MGMT: variants seen among roughly 807,000 people sequenced by gnomAD.
The protein encoded by MGMT is O-6-methylguanine-DNA methyltransferase, also known as methylated-DNA--protein-cysteine methyltransferase.
Under a neutral mutation model 15.9 loss-of-function variants are expected in MGMT, and 14 were observed. That is an observed-to-expected ratio of 0.88 (90% CI 0.58 to 1.37). MGMT has a LOEUF of 1.37. Ranked by LOEUF, MGMT falls within the 40% of genes most tolerant of loss-of-function variation. The pLI, the probability that MGMT is intolerant of heterozygous loss-of-function variation, is 0.00. For synonymous variants in MGMT, 130 were observed against 118.2 expected, an observed-to-expected ratio of 1.10 and a Z score of -0.65; for missense variants, 282 against 268.1, an observed-to-expected ratio of 1.05 and a Z score of -0.36.
chr10:129,611,331 A>G (rs1846957082), intron 2 of MGMT, among the ~76,000 whole-genome samples: 3 of 152,218 alleles, frequency 2.0e-5, no homozygotes, highest in Non-Finnish European at 4.4e-5. Flanking sequence ...ACACATCCTC[A>G]TGGATGGAGC....
intron 2 of MGMT, among the ~76,000 whole-genome samples, chr10:129,658,903 T>G (rs1847562789): frequency 6.6e-6 from 1 of 152,136 alleles, no homozygotes; most frequent in African/African-American, 2.4e-5. Flanking sequence ...GCTGTAGCAT[T>G]CAAGGCCTCC....
At chr10:129,600,082 G>C (rs1486623341) in intron 2 of MGMT, among the ~76,000 whole-genome samples, 1 of 152,144 alleles carries the variant, frequency 6.6e-6, no homozygotes, top group East Asian at 1.9e-4. Flanking sequence ...CACAGCCTGG[G>C]ACCTAAGTCT....
intron 2 of MGMT, among the ~76,000 whole-genome samples, chr10:129,681,380 G>C (rs1212334317): frequency 6.6e-6 from 1 of 152,152 alleles, no homozygotes; most frequent in South Asian, 2.1e-4. Context: ...GCTTCCTGTG[G>C]GGACGCCCAT....
rs538786933 is a variant in MGMT at position 129,736,890 on chromosome 10, C to A, written c.275-22312C>A. Among the ~76,000 whole-genome samples the A allele has an allele frequency of 6.6e-4, 100 of 152,326 alleles. 1 individual carries two copies. The East Asian group carries it at 0.011, about 17-fold the overall frequency. ...TTTAAGAATGTTGAATATTGGCCCC[C>A]ATTCTCTTCTGGCTTGTAGAGTTTC... On this transcript the variant is annotated intron_variant, in intron 3 of 4. Transcript: ENST00000651593.
At chr10:129,686,263 GA>G (rs150349856) in intron 2 of MGMT, among the ~76,000 whole-genome samples, 14,035 of 146,860 alleles carry the variant, frequency 0.096, 920 homozygotes, top group Admixed American at 0.19. Context: ...TCAGGGGAAA[GA>G]AAAAAAAAAG....
intron 2 of MGMT, among the ~76,000 whole-genome samples, chr10:129,706,281 G>T (rs1458302024): frequency 6.6e-6 from 1 of 152,240 alleles, no homozygotes; most frequent in Admixed American, 6.5e-5. Flanking sequence ...TGCATACCTT[G>T]TGTGGACAGA....
chr10:129,561,578 G>C lies in MGMT; in HGVS notation c.125+25201G>C, dbSNP rs551684658. The stretch of plus-strand genomic sequence containing the variant: ...AATTTCGGTGTCAAGGTGATATCTT[G>C]TCTGATGGTGGAGGTCATAGTTGTC... On this transcript the variant is annotated intron_variant, in intron 2 of 4. Transcript: ENST00000651593. Among the ~76,000 whole-genome samples the C allele has an allele frequency of 2.6e-5, 4 of 152,270 alleles. No homozygotes were observed. In the South Asian group the frequency reaches 6.2e-4, roughly 24 times the overall value.
At chr10:129,738,292 A>G (rs965792673) in intron 3 of MGMT, among the ~76,000 whole-genome samples, 2 of 152,198 alleles carry the variant, frequency 1.3e-5, no homozygotes, top group Non-Finnish European at 2.9e-5. Flanking sequence ...AAAGGGCAGT[A>G]TTCAGGTGGG....
chr10:129,507,999 C>T (rs1053722007), intron 1 of MGMT, among the ~76,000 whole-genome samples: 2 of 152,264 alleles, frequency 1.3e-5, no homozygotes, highest in African/African-American at 2.4e-5. Context: ...AGGGAGGTGA[C>T]GCCCTTTGTT....
intron 2 of MGMT, among the ~76,000 whole-genome samples, chr10:129,638,627 A>G (rs1847292763): frequency 6.6e-6 from 1 of 152,082 alleles, no homozygotes; most frequent in South Asian, 2.1e-4. Flanking sequence ...GCATGTTTTC[A>G]GCGTATTAAA....
chr10:129,602,302 G>A (rs1043257615), intron 2 of MGMT, among the ~76,000 whole-genome samples: 2 of 151,954 alleles, frequency 1.3e-5, no homozygotes, highest in Non-Finnish European at 2.9e-5. Context: ...GAAAAGGAAC[G>A]CGCTTCCTGA....
chr10:129,628,961 C>T (rs1377283916), intron 2 of MGMT, among the ~76,000 whole-genome samples: 5 of 152,196 alleles, frequency 3.3e-5, no homozygotes, highest in Non-Finnish European at 5.9e-5. Context: ...GCTCTCTTCC[C>T]GCCCACTCCC....
chr10:129,598,350 T>C (rs891924405), intron 2 of MGMT, among the ~76,000 whole-genome samples: 2 of 152,176 alleles, frequency 1.3e-5, no homozygotes, highest in African/African-American at 4.8e-5. Context: ...GGCTTCCATC[T>C]GTATAAGGGG....
chr10:129,508,609 G>A (rs1036413170), intron 1 of MGMT, among the ~76,000 whole-genome samples: 5 of 150,558 alleles, frequency 3.3e-5, no homozygotes, highest in African/African-American at 1.2e-4. Flanking sequence ...GCAGTGGTGC[G>A]ATCTTGGCTC....
At chr10:129,616,088 G>A (rs1194717595) in intron 2 of MGMT, among the ~76,000 whole-genome samples, 1 of 152,186 alleles carries the variant, frequency 6.6e-6, no homozygotes, top group East Asian at 1.9e-4. Flanking sequence ...AGGAAAGCAA[G>A]CCAGGGCACA....
At chr10:129,518,325 GATACACACACATACACACACACAC>G (rs1845762203) in intron 1 of MGMT, among the ~76,000 whole-genome samples, 1 of 88,072 alleles carries the variant, frequency 1.1e-5, no homozygotes, top group African/African-American at 4.5e-5. Flanking sequence ...TGTGTGTACA[GATACACACACATACACACACACAC>G]ACACACACAC....
chr10:129,680,101 A>G (rs1847833399), intron 2 of MGMT, among the ~76,000 whole-genome samples: 1 of 152,198 alleles, frequency 6.6e-6, no homozygotes, highest in Non-Finnish European at 1.5e-5. Flanking sequence ...GACCCCATAC[A>G]TTCCTCTCGT....
chr10:129,665,128 T>TCCTCTCCTTCAGTCACCCAC (rs141974057), intron 2 of MGMT, among the ~76,000 whole-genome samples: 1 of 128,936 alleles, frequency 7.8e-6, no homozygotes. Flanking sequence ...CACCCACCCA[T>TCCTCTCCTTCAGTCACCCAC]CCACTCCTTC....
intron 1 of MGMT, among the ~76,000 whole-genome samples, chr10:129,513,929 C>T (rs946247073): frequency 3.7e-4 from 57 of 152,182 alleles, no homozygotes; most frequent in African/African-American, 1.4e-3. Context: ...CAAACAGATA[C>T]TTAATGTGAG....
Sources: gnomAD v4.1 joint callset for allele counts (sites outside exome capture counted in the v4.1 genomes callset) on GRCh38, gnomAD v4.1.1 for gene constraint, MANE v1.5 for transcripts, NCBI Gene and HGNC (gene_info 2026-07-23, HGNC 2026-07-21) for gene names.